PTPRS: variants seen among roughly 807,000 people sequenced by gnomAD.
PTPRS encodes the protein protein tyrosine phosphatase receptor type S.
In PTPRS, 63 loss-of-function variants were observed where a neutral mutation model predicts 215.3. That is an observed-to-expected ratio of 0.29 (90% CI 0.24 to 0.36). The LOEUF (loss-of-function observed/expected upper bound fraction) is 0.36. Among genes scored for constraint, PTPRS ranks in the 10% least tolerant of loss-of-function variants. The pLI is 1.00. For synonymous variants in PTPRS, 1,404 were observed against 1,191.4 expected, an observed-to-expected ratio of 1.18 and a Z score of -3.68; for missense variants, 2,258 against 2,825.8, an observed-to-expected ratio of 0.80 and a Z score of 4.56.
At chr19:5,260,476 G>A (rs1457879159) in intron 7 of PTPRS, among the ~76,000 whole-genome samples, 11 of 152,156 alleles carry the variant, frequency 7.2e-5, no homozygotes, top group South Asian at 6.2e-4. Flanking sequence ...CACCGCGCCC[G>A]GCCTGCATGC....
chr19:5,276,685 T>C (rs1462537745), intron 2 of PTPRS, among the ~76,000 whole-genome samples: 1 of 151,852 alleles, frequency 6.6e-6, no homozygotes, highest in African/African-American at 2.4e-5. Context: ...GGACTACAGA[T>C]GCCCGCCACC....
intron 4 of PTPRS, among the ~76,000 whole-genome samples, chr19:5,265,758 A>T (rs1448211163): frequency 6.7e-6 from 1 of 148,846 alleles, no homozygotes; most frequent in Non-Finnish European, 1.5e-5. Flanking sequence ...ATGTCTGGGG[A>T]TATCTGAGGT....
intron 19 of PTPRS, 133 bp from the exon 20 acceptor site, chr19:5,221,386 C>T (rs1169652815): frequency 8.5e-6 from 10 of 1,170,922 alleles, no homozygotes; most frequent in East Asian, 2.5e-5. Flanking sequence ...AAATCTAACA[C>T]TGACTGATCC....
chr19:5,241,477 T>A (rs1465439537), intron 11 of PTPRS, among the ~76,000 whole-genome samples: 1 of 150,216 alleles, frequency 6.7e-6, no homozygotes, highest in African/African-American at 2.5e-5. Context: ...ACACATGAGG[T>A]CTTGCTATGT....
rs1010610432 is a variant in PTPRS, at chr19:5,294,323, C to T, written c.-94-8089G>A. 2 of 152,538 alleles carry T rather than the reference C, an allele frequency of 1.3e-5. No individual in the cohort carries two copies. Among genetic ancestry groups the T allele is most frequent in the Non-Finnish European group, 2.9e-5 (2 of 68,316 alleles). The allele number at this position is 152,538 out of a possible 1,614,324, so 9.4% of individuals were successfully genotyped here. On this transcript the variant is annotated intron_variant, in intron 1 of 37. Coordinates refer to ENST00000262963, the MANE Select transcript of PTPRS (RefSeq NM_002850.4). The surrounding 1 kb of genome is among the most constrained non-coding windows in gnomAD (Gnocchi z 5.1). ...AAGAGAGAGAAACGGCTGCCCACGG[C>T]CGGGAAGAGCAGGAATTGGAACCAG...
rs781451215 is a variant in PTPRS at position 5,222,669 on chromosome 19, A to G, written c.3103+20T>C. 10 of 1,536,750 alleles carry G rather than the reference A, an allele frequency of 6.5e-6. No individual in the cohort carries two copies. In the Admixed American group the frequency reaches 1.1e-4, roughly 18 times the overall value. ...GCAAGGCCCGGTCCGGCTCTGGTGCAGGGGTCGCCGCGCGCCTACCTTGGT... is the reference window on the plus strand; with the variant it reads ...GCAAGGCCCGGTCCGGCTCTGGTGCGGGGGTCGCCGCGCGCCTACCTTGGT... On this transcript the variant is annotated intron_variant, in intron 18 of 37. Transcript: ENST00000262963.
intron 1 of PTPRS, among the ~76,000 whole-genome samples, chr19:5,332,001 C>T (rs1200724248): frequency 4.6e-5 from 7 of 152,056 alleles, no homozygotes; most frequent in South Asian, 2.1e-4. Flanking sequence ...GGCCCGCGGA[C>T]GGCAATGGAG....
At chr19:5,245,583 G>GCGC (rs1260135341) in intron 10 of PTPRS, among the ~76,000 whole-genome samples, 193 bp downstream of exon 10, 1 of 152,198 alleles carries the variant, frequency 6.6e-6, no homozygotes, top group Non-Finnish European at 1.5e-5. Context: ...GTGAATCACT[G>GCGC]CGCCCAGCCA....
intron 30 of PTPRS, among the ~76,000 whole-genome samples, chr19:5,212,816 C>T (rs139303899): frequency 0.042 from 6,262 of 150,314 alleles, 451 homozygotes; most frequent in African/African-American, 0.15. Flanking sequence ...GTACTCCAGC[C>T]TGGGTGACAG....
intron 1 of PTPRS, among the ~76,000 whole-genome samples, chr19:5,320,015 T>C (rs1283172393): frequency 6.6e-6 from 1 of 152,148 alleles, no homozygotes; most frequent in Non-Finnish European, 1.5e-5. Context: ...GCACAGAGCC[T>C]GGTGGACAGG....
intron 1 of PTPRS, among the ~76,000 whole-genome samples, chr19:5,302,161 T>G (rs1318932548): frequency 2.0e-5 from 3 of 151,840 alleles, no homozygotes; most frequent in African/African-American, 7.3e-5. Flanking sequence ...AGCCAGAACT[T>G]AAGATCAACC....
chr19:5,220,091 GCACCTCCAGCT>G lies in PTPRS; in HGVS notation c.3602_3612del (p.Gln1201ProfsTer29). 1 of 1,613,798 alleles carries G rather than the reference GCACCTCCAGCT, an allele frequency of 6.2e-7. No individual in the cohort carries two copies. Among genetic ancestry groups the G allele is most frequent in the Non-Finnish European group, 8.5e-7 (1 of 1,179,994 alleles). On this transcript the variant is annotated frameshift_variant, in exon 22 of 38. Coordinates refer to ENST00000262963, the MANE Select transcript of PTPRS (RefSeq NM_002850.4). LOFTEE classifies it high-confidence loss of function. ...AAGCGAGCTGCAATATAGGGCCGGGGCACCTCCAGCTGACGCGAGTGCCGCAGGCTGCGCCT... is the reference window on the plus strand; with the variant it reads ...AAGCGAGCTGCAATATAGGGCCGGGGGACGCGAGTGCCGCAGGCTGCGCCT...
chr19:5,214,696 G>A lies in PTPRS; in HGVS notation c.4359C>T (p.Asp1453=), dbSNP rs144200009. ...TGTACGCGTTCTGACACCGGTAGCC[G>A]TCCACGTAGTTGGCATTGATGTAAT... ...GSDYINANYV[D]GYRCQNAYIA... is the part of the protein sequence containing the mutation. Residue 1453 remains aspartate, a synonymous_variant, in exon 29 of 38, where the codon GAC becomes GAT. Coordinates refer to ENST00000262963, the MANE Select transcript of PTPRS (RefSeq NM_002850.4). The A allele has an allele frequency of 3.1e-4, 500 of 1,612,282 alleles. No homozygotes were observed. The highest frequency in any genetic ancestry group is 7.9e-4 in the African/African-American group (59 of 75,066).
At chr19:5,240,461 G>T in intron 11 of PTPRS, 129 bp from the exon 12 acceptor site, 2 of 957,896 alleles carry the variant, frequency 2.1e-6, no homozygotes, top group East Asian at 3.2e-5. Flanking sequence ...TTATTTTCCT[G>T]GGGACCTCGC....
chr19:5,329,248 T>C (rs1474141814), intron 1 of PTPRS, among the ~76,000 whole-genome samples: 1 of 151,182 alleles, frequency 6.6e-6, no homozygotes, highest in Non-Finnish European at 1.5e-5. Context: ...GGAGGAGAGA[T>C]GAGGCCAGCG....
chr19:5,278,666 G>C (rs945928218), intron 2 of PTPRS, among the ~76,000 whole-genome samples: 3 of 149,176 alleles, frequency 2.0e-5, no homozygotes, highest in Admixed American at 1.3e-4. Flanking sequence ...GTAGAGACAG[G>C]GTTTCCCCAT....
At chr19:5,315,636 A>G (rs1372094033) in intron 1 of PTPRS, among the ~76,000 whole-genome samples, 1 of 147,234 alleles carries the variant, frequency 6.8e-6, no homozygotes, top group East Asian at 2.0e-4. Flanking sequence ...AGTAGCTGGG[A>G]CAATAGGCAA....
chr19:5,223,418 T>C (rs1260444496), intron 17 of PTPRS, 121 bp from the exon 18 acceptor site: 1 of 1,051,658 alleles, frequency 9.5e-7, no homozygotes, highest in Non-Finnish European at 1.3e-6. Context: ...TTGGGGGGGG[T>C]CTTACTCTGT....
chr19:5,336,746 C>G (rs2050514186), intron 1 of PTPRS, among the ~76,000 whole-genome samples: 1 of 151,618 alleles, frequency 6.6e-6, no homozygotes, highest in Admixed American at 6.6e-5. Flanking sequence ...CTCCTCCTGT[C>G]CCCACCGGAG....
Sources: gnomAD v4.1 joint callset for allele counts (sites outside exome capture counted in the v4.1 genomes callset) on GRCh38, gnomAD v4.1.1 for gene constraint, Gnocchi (gnomAD v3.1) non-coding constraint, MANE v1.5 for transcripts, NCBI Gene and HGNC (gene_info 2026-07-23, HGNC 2026-07-21) for gene names.